The following LRRFIP1 variants were observed in gnomAD, a reference collection of about 807,000 sequenced individuals.
LRRFIP1 encodes leucine-rich repeat flightless-interacting protein 1.
LRRFIP1 carries 62 observed loss-of-function variants against 104.4 expected under a neutral mutation model. That is an observed-to-expected ratio of 0.59 (90% CI 0.48 to 0.73). The LOEUF is 0.73. Among genes scored for constraint, LRRFIP1 ranks in the 30% least tolerant of loss-of-function variants. LRRFIP1 has a pLI of 0.00. For missense variants in LRRFIP1, 796 were observed against 824.5 expected (o/e 0.97, Z 0.42); for synonymous variants, 300 against 299.0 (o/e 1.00, Z -0.03).
At position 237,723,598 on chromosome 2, in the gene LRRFIP1, G is replaced by A. The variant is rs764472922; in HGVS notation, c.384+12G>A. 22 of 1,613,628 alleles carry A rather than the reference G, an allele frequency of 1.4e-5. No individual in the cohort carries two copies. Among genetic ancestry groups the A allele is most frequent in the African/African-American group, 1.3e-4 (10 of 74,880 alleles). ...GTCCTTACGCCTGGGTGAGATGGTC[G>A]GATATACTTTGCTGTGTGACCTTAA... On this transcript the variant is annotated intron_variant, in intron 7 of 23. Transcript: ENST00000308482.
At chr2:237,639,532 T>C (rs1160021013) in intron 1 of LRRFIP1, among the ~76,000 whole-genome samples, 4 of 152,186 alleles carry the variant, frequency 2.6e-5, no homozygotes, top group African/African-American at 7.2e-5. Context: ...AGGTCTTTGG[T>C]TGGCTTCCCA....
At chr2:237,770,109 A>G in intron 20 of LRRFIP1, 117 bp downstream of exon 20, 1 of 789,340 alleles carries the variant, frequency 1.3e-6, no homozygotes, top group East Asian at 2.7e-5. Context: ...GAAAGTCTTT[A>G]TCAAGCCAAC....
At chr2:237,627,830 C>A in intron 1 of LRRFIP1, 90 bp downstream of exon 1, 1 of 839,296 alleles carries the variant, frequency 1.2e-6, no homozygotes, top group Non-Finnish European at 1.5e-6. Context: ...GTCTGTCCCG[C>A]TGTGCGTCTG....
intron 7 of LRRFIP1, among the ~76,000 whole-genome samples, chr2:237,724,425 C>G (rs922935483): frequency 6.6e-6 from 1 of 152,190 alleles, no homozygotes; most frequent in Non-Finnish European, 1.5e-5. Context: ...TAGCATACAT[C>G]TGCATAGCAT....
chr2:237,727,862 C>G lies in LRRFIP1; in HGVS notation c.385-14C>G. The G allele has an allele frequency of 6.3e-7, 1 of 1,598,178 alleles. No individual in the cohort carries two copies. The highest frequency in any genetic ancestry group is 8.5e-7 in the Non-Finnish European group (1 of 1,171,550). On this transcript the variant is annotated splice_polypyrimidine_tract_variant and intron_variant, in intron 7 of 23. Coordinates refer to ENST00000308482, the MANE Select transcript of LRRFIP1 (RefSeq NM_001137550.2). ...GTACTGATGTCAGTTTTTCTCTTTT[C>G]TTCATTGAAACAGACAAATGGTTAT...
chr2:237,702,019 G>C (rs2093562769), intron 1 of LRRFIP1, among the ~76,000 whole-genome samples: 1 of 152,184 alleles, frequency 6.6e-6, no homozygotes, highest in South Asian at 2.1e-4. Flanking sequence ...GGGGCTCCCA[G>C]GGAGGTGCCC....
chr2:237,665,462 G>A (rs2089029122), intron 1 of LRRFIP1, among the ~76,000 whole-genome samples: 1 of 152,174 alleles, frequency 6.6e-6, no homozygotes, highest in African/African-American at 2.4e-5. Flanking sequence ...GAATGAGATG[G>A]TTTCCAGAGA....
At chr2:237,692,103 C>A (rs1575521628) in intron 1 of LRRFIP1, 2 of 482,160 alleles carry the variant, frequency 4.1e-6, no homozygotes, top group Non-Finnish European at 4.6e-6. Context: ...GGGGCGGGGA[C>A]GGGGCGGGGC....
chr2:237,723,421 A>T, intron 6 of LRRFIP1, 127 bp from the exon 7 acceptor site: 1 of 901,054 alleles, frequency 1.1e-6, no homozygotes. Context: ...CCTAGAAATT[A>T]TGGAAAAATG....
rs1209180353 is a variant in LRRFIP1, at chr2:237,649,035, C to T, written c.96+21295C>T. Reference sequence around the variant, plus strand: ...GTGTGAGAGGAGGCGTCCTTGTCACCATCCTTTGTTGCCTCCCATCTGTGG... The same window carrying T: ...GTGTGAGAGGAGGCGTCCTTGTCACTATCCTTTGTTGCCTCCCATCTGTGG... On this transcript the variant is annotated intron_variant, in intron 1 of 23. Transcript: ENST00000308482. This position sits in a 1 kb window ranked among gnomAD's most constrained non-coding sequence, Gnocchi z 4.1. Among the ~76,000 whole-genome samples, 1 of 151,916 alleles carries T rather than the reference C, an allele frequency of 6.6e-6. No individual in the cohort carries two copies. Among genetic ancestry groups the T allele is most frequent in the African/African-American group, 2.4e-5 (1 of 41,440 alleles).
chr2:237,737,751 A>G (rs143329332), intron 10 of LRRFIP1, among the ~76,000 whole-genome samples: 10 of 152,354 alleles, frequency 6.6e-5, no homozygotes, highest in African/African-American at 2.2e-4. Context: ...AAGTGAGGCT[A>G]GTAATACTGG....
chr2:237,635,777 TA>T (rs1256654568), intron 1 of LRRFIP1, among the ~76,000 whole-genome samples: 9 of 151,934 alleles, frequency 5.9e-5, no homozygotes, highest in Admixed American at 5.9e-4. Flanking sequence ...CTGGGCAACA[TA>T]GTGAGACCCC....
intron 1 of LRRFIP1, among the ~76,000 whole-genome samples, chr2:237,667,489 C>T (rs1478832449): frequency 6.6e-6 from 1 of 152,164 alleles, no homozygotes; most frequent in Non-Finnish European, 1.5e-5. Flanking sequence ...CAAGTCTTTG[C>T]TATTGTAAAT....
rs541786002 is a variant in LRRFIP1, at chr2:237,779,749, G to A, written c.*217G>A. 76 of 446,954 alleles carry A rather than the reference G, an allele frequency of 1.7e-4. No individual in the cohort carries two copies. Among genetic ancestry groups the A allele is most frequent in the African/African-American group, 1.2e-3 (61 of 50,170 alleles). 27.7% of individuals were successfully genotyped at this position (446,954 alleles called of 1,614,324 possible). On this transcript the variant is annotated 3_prime_UTR_variant, in exon 24 of 24. Transcript: ENST00000308482. ...CTGCAGACCCCTGGCCCGGGCTGGCGCCGACGCTCAGAACCTGCAGGTACT... is the reference window on the plus strand; with the variant it reads ...CTGCAGACCCCTGGCCCGGGCTGGCACCGACGCTCAGAACCTGCAGGTACT...
chr2:237,718,599 C>T (rs553678678), intron 4 of LRRFIP1, among the ~76,000 whole-genome samples: 1 of 152,200 alleles, frequency 6.6e-6, no homozygotes, highest in South Asian at 2.1e-4. Flanking sequence ...GTCCTTCTAC[C>T]TCTTCCTGTC....
In LRRFIP1 at chr2:237,661,358, C is replaced by G. The variant is rs1183815422; in HGVS notation, c.96+33618C>G. Among the ~76,000 whole-genome samples, 1 of 152,184 alleles carries G rather than the reference C, an allele frequency of 6.6e-6. No homozygotes were observed. The highest frequency in any genetic ancestry group is 1.5e-5 in the Non-Finnish European group (1 of 68,030). ...GTGTGTCCAGTCCACCCAGATGCCA[C>G]CATGCCTGCCAGTCCCTCTCCTCCT... On this transcript the variant is annotated intron_variant, in intron 1 of 23. Transcript: ENST00000308482. This position sits in a 1 kb window ranked among gnomAD's most constrained non-coding sequence, Gnocchi z 4.4.
chr2:237,749,335 C>T lies in LRRFIP1; in HGVS notation c.795+11C>T, dbSNP rs369179935. The T allele has an allele frequency of 1.2e-6, 2 of 1,612,878 alleles. No individual in the cohort carries two copies. The highest frequency in any genetic ancestry group is 1.7e-6 in the Non-Finnish European group (2 of 1,179,852). ...ATCAGGGAAATCAAGGTGAGATGCT[C>T]TCTTCTTACTGACAACTTGAGAGAA... On this transcript the variant is annotated intron_variant, in intron 13 of 23. Coordinates refer to ENST00000308482, the MANE Select transcript of LRRFIP1 (RefSeq NM_001137550.2).
At chr2:237,753,535 C>A in intron 15 of LRRFIP1, 56 bp downstream of exon 15, 1 of 1,426,254 alleles carries the variant, frequency 7.0e-7, no homozygotes, top group Non-Finnish European at 9.3e-7. Context: ...GTGGCCCATG[C>A]CTGTAATTCT....
At chr2:237,769,906 G>C (rs757359423) in intron 19 of LRRFIP1, 37 bp from the exon 20 acceptor site, 9 of 1,529,256 alleles carry the variant, frequency 5.9e-6, no homozygotes, top group African/African-American at 1.4e-5. Flanking sequence ...CGCGGCACGC[G>C]GATTCACCTA....
Sources: allele counts gnomAD v4.1 joint callset (sites outside exome capture counted in the v4.1 genomes callset), GRCh38; gene constraint gnomAD v4.1.1; non-coding constraint Gnocchi (gnomAD v3.1); transcripts MANE v1.5; gene names NCBI Gene and HGNC (gene_info 2026-07-23, HGNC 2026-07-21).